Variants in PCCB observed in about 807,000 individuals in gnomAD.
PCCB encodes propionyl-CoA carboxylase beta chain, mitochondrial.
A neutral mutation model predicts 60.7 loss-of-function variants in PCCB; 43 were observed. The observed-to-expected ratio is 0.71, with a 90% CI of 0.55 to 0.91. PCCB has a LOEUF of 0.91. Ranked by LOEUF, PCCB falls within the 40% of genes least tolerant of loss-of-function variation. PCCB has a pLI of 0.00. For missense variants in PCCB, 766 were observed against 702.8 expected (o/e 1.09, Z -1.02); for synonymous variants, 276 against 255.9 (o/e 1.08, Z -0.75).
At chr3:136,293,944 A>C in intron 7 of PCCB, 80 bp downstream of exon 7, 1 of 837,768 alleles carries the variant, frequency 1.2e-6, no homozygotes, top group Non-Finnish European at 2.1e-6. Flanking sequence ...GGCAGTTTTT[A>C]AGAAATATTA....
chr3:136,316,934 C>T lies in PCCB; in HGVS notation c.967-7C>T, dbSNP rs757386928. ...TTTTGAGCTCAGAAGTAAATTTATT[C>T]CTGCAGGTTGTTGATGAGCGTGAAT... is the stretch of plus-strand genomic sequence containing the variant. On this transcript the variant is annotated splice_polypyrimidine_tract_variant and splice_region_variant and intron_variant, in intron 9 of 14. Coordinates refer to ENST00000251654, the MANE Select transcript of PCCB (RefSeq NM_000532.5). 9 of 1,613,674 alleles carry T rather than the reference C, an allele frequency of 5.6e-6. No homozygotes were observed. Among genetic ancestry groups the T allele is most frequent in the East Asian group, 2.2e-5 (1 of 44,886 alleles).
rs1476288834 is a variant in PCCB, at chr3:136,316,848, G to C, written c.967-93G>C. On this transcript the variant is annotated intron_variant, in intron 9 of 14. Coordinates refer to ENST00000251654, the MANE Select transcript of PCCB (RefSeq NM_000532.5). ...GCTGGAGCTGTCTACCTCTACCTCT[G>C]TAATTCTGTAATAGAAATGTCATTC... 7 of 1,455,746 alleles carry C rather than the reference G, an allele frequency of 4.8e-6. No individual in the cohort carries two copies. The African/African-American group carries it at 8.4e-5, about 17-fold the overall frequency. 90.2% of individuals were successfully genotyped at this position (1,455,746 alleles called of 1,614,324 possible).
chr3:136,252,833 A>G (rs923664258), intron 1 of PCCB, among the ~76,000 whole-genome samples: 3 of 150,728 alleles, frequency 2.0e-5, no homozygotes, highest in Non-Finnish European at 4.4e-5. Flanking sequence ...ATCTGTATAT[A>G]TGTTGCCAAA....
intron 3 of PCCB, among the ~76,000 whole-genome samples, chr3:136,258,220 T>C (rs187870574): frequency 6.6e-6 from 1 of 152,328 alleles, no homozygotes; most frequent in East Asian, 1.9e-4. Context: ...TTGATACTTT[T>C]GACCACCTCT....
chr3:136,325,969 A>C (rs1200782540), intron 10 of PCCB, among the ~76,000 whole-genome samples: 3 of 151,856 alleles, frequency 2.0e-5, no homozygotes. Context: ...ACCCGCCACC[A>C]CACCCGGCTA....
chr3:136,282,120 G>T (rs184585567), intron 5 of PCCB, among the ~76,000 whole-genome samples: 8 of 152,176 alleles, frequency 5.3e-5, no homozygotes, highest in African/African-American at 1.9e-4. Flanking sequence ...AGATGCAAAG[G>T]TTCTAATTTC....
rs372363847 is a variant in PCCB, at chr3:136,307,659, T to C, written c.966+6548T>C. Among the ~76,000 whole-genome samples the C allele has an allele frequency of 9.9e-5, 15 of 151,950 alleles. No homozygotes were observed. In the East Asian group the frequency reaches 2.1e-3, roughly 22 times the overall value. On this transcript the variant is annotated intron_variant, in intron 9 of 14. Coordinates refer to ENST00000251654, the MANE Select transcript of PCCB (RefSeq NM_000532.5). ...AAAAAAAGGTAAAAGACAATAAATA[T>C]AGAATACATAGTAATTATAAAAAAT...
intron 5 of PCCB, among the ~76,000 whole-genome samples, chr3:136,272,691 A>G (rs1436532216): frequency 6.6e-6 from 1 of 152,020 alleles, no homozygotes; most frequent in Non-Finnish European, 1.5e-5. Flanking sequence ...TATTGGTTAT[A>G]ATATTTCCAG....
chr3:136,277,525 G>A (rs1942361569), intron 5 of PCCB, among the ~76,000 whole-genome samples: 1 of 151,796 alleles, frequency 6.6e-6, no homozygotes, highest in African/African-American at 2.4e-5. Context: ...GGGTGGAGGG[G>A]TACAGCCAGG....
rs1382788713 is a variant in PCCB, at chr3:136,329,913, G to A, written c.1507G>A (p.Asp503Asn). Residue 503 changes from aspartate to asparagine, a missense_variant, in exon 15 of 15, where the codon GAT (aspartate) becomes AAT (asparagine). Coordinates refer to ENST00000251654, the MANE Select transcript of PCCB (RefSeq NM_000532.5). ...PFPAAVRGFV[D>N]DIIQPSSTRA... ...TTTCTGTGCTTCACCAGGGTTTGTG[G>A]ATGACATCATCCAACCTTCTTCCAC... The A allele has an allele frequency of 6.2e-7, 1 of 1,614,148 alleles. No individual in the cohort carries two copies. Among genetic ancestry groups the A allele is most frequent in the East Asian group, 2.2e-5 (1 of 44,878 alleles).
chr3:136,289,096 A>T (rs1016342578), intron 6 of PCCB, among the ~76,000 whole-genome samples: 1 of 152,106 alleles, frequency 6.6e-6, no homozygotes, highest in South Asian at 2.1e-4. Flanking sequence ...GGCCTCAAGT[A>T]ATCCTCTCAC....
intron 9 of PCCB, among the ~76,000 whole-genome samples, chr3:136,315,655 A>G (rs560572097): frequency 6.6e-6 from 1 of 151,696 alleles, no homozygotes; most frequent in East Asian, 1.9e-4. Context: ...ACATAGCAAG[A>G]CCCTGTCTCT....
chr3:136,298,282 A>G (rs1263350982), intron 8 of PCCB, among the ~76,000 whole-genome samples: 1 of 152,190 alleles, frequency 6.6e-6, no homozygotes, highest in Non-Finnish European at 1.5e-5. Flanking sequence ...TATCTAATGT[A>G]TATCTTGGTG....
chr3:136,275,484 CG>C, intron 5 of PCCB, among the ~76,000 whole-genome samples: 1 of 152,118 alleles, frequency 6.6e-6, no homozygotes, highest in East Asian at 1.9e-4. Context: ...TGTGATCTTT[CG>C]GGGGTATGAT....
intron 10 of PCCB, among the ~76,000 whole-genome samples, chr3:136,326,594 C>G (rs1263186163): frequency 6.6e-6 from 1 of 152,182 alleles, no homozygotes. Context: ...TAGTCTAGTT[C>G]TGGGCCTCTT....
intron 5 of PCCB, among the ~76,000 whole-genome samples, chr3:136,264,031 A>T (rs1462812672): frequency 6.6e-6 from 1 of 151,908 alleles, no homozygotes; most frequent in African/African-American, 2.4e-5. Context: ...AAAAAAATTC[A>T]AACTTCACAG....
In PCCB at chr3:136,316,934, C is replaced by A. The variant is rs757386928; in HGVS notation, c.967-7C>A. ...TTTTGAGCTCAGAAGTAAATTTATT[C>A]CTGCAGGTTGTTGATGAGCGTGAAT... On this transcript the variant is annotated splice_polypyrimidine_tract_variant and splice_region_variant and intron_variant, in intron 9 of 14. Coordinates refer to ENST00000251654, the MANE Select transcript of PCCB (RefSeq NM_000532.5). The A allele has an allele frequency of 6.2e-7, 1 of 1,613,790 alleles. No individual in the cohort carries two copies. Among genetic ancestry groups the A allele is most frequent in the Non-Finnish European group, 8.5e-7 (1 of 1,179,810 alleles).
chr3:136,307,928 T>C (rs1428018620), intron 9 of PCCB, among the ~76,000 whole-genome samples: 1 of 151,916 alleles, frequency 6.6e-6, no homozygotes, highest in Non-Finnish European at 1.5e-5. Context: ...TGAGCCGAGA[T>C]TGCACCATTG....
chr3:136,274,936 G>C (rs930103006), intron 5 of PCCB, among the ~76,000 whole-genome samples: 1 of 151,434 alleles, frequency 6.6e-6, no homozygotes, highest in African/African-American at 2.4e-5. Flanking sequence ...TCTGCCTCCT[G>C]AGTATCTGGG....
Sources: allele counts gnomAD v4.1 joint callset (sites outside exome capture counted in the v4.1 genomes callset), GRCh38; gene constraint gnomAD v4.1.1; transcripts MANE v1.5; gene names NCBI Gene and HGNC (gene_info 2026-07-23, HGNC 2026-07-21).